The following ZBBX variants were observed in gnomAD, a reference collection of about 807,000 sequenced individuals.
ZBBX encodes the protein zinc finger B-box domain-containing protein 1.
A neutral mutation model predicts 108.5 loss-of-function variants in ZBBX; 101 were observed. The ratio of observed to expected loss-of-function variants is 0.93; its 90% CI spans 0.79 to 1.10. ZBBX has a LOEUF of 1.10. Among genes scored for constraint, ZBBX ranks in the 50% least tolerant of loss-of-function variants. ZBBX has a pLI of 0.00. For synonymous variants in ZBBX, 356 were observed against 323.4 expected (o/e 1.10, Z -1.08); for missense variants, 1,009 against 941.4 (o/e 1.07, Z -0.94).
At chr3:167,295,529 G>A (rs1285716568) in intron 18 of ZBBX, among the ~76,000 whole-genome samples, 1 of 151,220 alleles carries the variant, frequency 6.6e-6, no homozygotes, top group Non-Finnish European at 1.5e-5. Context: ...GGCCTGTTGG[G>A]GGGTGGTGGG....
the ZBBX span, among the ~76,000 whole-genome samples, chr3:167,211,150 T>C: frequency 6.6e-6 from 1 of 152,114 alleles, no homozygotes; most frequent in Non-Finnish European, 1.5e-5. Flanking sequence ...GGAGACATAA[T>C]TGAGCCAGGA....
chr3:167,294,548 A>G (rs1731291515), intron 18 of ZBBX, among the ~76,000 whole-genome samples: 1 of 152,232 alleles, frequency 6.6e-6, no homozygotes, highest in Non-Finnish European at 1.5e-5. Context: ...AATTAACTCA[A>G]GATAGGTTAA....
At chr3:167,265,150 C>A (rs1725244266) in intron 20 of ZBBX, among the ~76,000 whole-genome samples, 1 of 152,162 alleles carries the variant, frequency 6.6e-6, no homozygotes, top group Non-Finnish European at 1.5e-5. Flanking sequence ...TGCAATTTTT[C>A]ATCATTTTCA....
rs568176571 is a variant in ZBBX at position 167,358,665 on chromosome 3, G to T, written c.432+1205C>A. Among the ~76,000 whole-genome samples, 4 of 152,058 alleles carry T rather than the reference G, an allele frequency of 2.6e-5. No individual in the cohort carries two copies. In the South Asian group the frequency reaches 8.3e-4, roughly 32 times the overall value. ...AAGAGAGGATATATAGTCTAGGCGT[G>T]GTGGCTCACACCTGTAATCCCAGCA... On this transcript the variant is annotated intron_variant, in intron 8 of 21. Coordinates refer to ENST00000675490, the MANE Select transcript of ZBBX (RefSeq NM_001199201.2).
chr3:167,394,175 CA>C (rs1041478531), intron 1 of ZBBX, among the ~76,000 whole-genome samples: 1 of 151,876 alleles, frequency 6.6e-6, no homozygotes, highest in African/African-American at 2.4e-5. Flanking sequence ...TGCTTCTCAA[CA>C]CAAGTGAAAT....
chr3:167,353,654 T>C (rs1743039403), intron 8 of ZBBX, among the ~76,000 whole-genome samples: 2 of 151,868 alleles, frequency 1.3e-5, no homozygotes, highest in South Asian at 4.1e-4. Flanking sequence ...TCTATAAAAA[T>C]AAAAATAATA....
At chr3:167,206,059 C>A in the ZBBX span, among the ~76,000 whole-genome samples, 1 of 151,964 alleles carries the variant, frequency 6.6e-6, no homozygotes, top group Non-Finnish European at 1.5e-5. Context: ...ATTATTATTT[C>A]TAGTCCTTAT....
At chr3:167,227,232 T>G in the ZBBX span, among the ~76,000 whole-genome samples, 2 of 151,844 alleles carry the variant, frequency 1.3e-5, no homozygotes, top group Non-Finnish European at 2.9e-5. Context: ...AATAAGCATT[T>G]GATGAACACA....
chr3:167,288,274 T>G (rs1029782011), intron 19 of ZBBX, among the ~76,000 whole-genome samples: 1 of 152,128 alleles, frequency 6.6e-6, no homozygotes, highest in African/African-American at 2.4e-5. Flanking sequence ...TATACACTCA[T>G]TAGGAAAGTA....
intron 16 of ZBBX, among the ~76,000 whole-genome samples, chr3:167,307,846 A>G (rs1245748544): frequency 6.6e-6 from 1 of 152,202 alleles, no homozygotes; most frequent in Non-Finnish European, 1.5e-5. Context: ...TGTAAATCCC[A>G]AAACTATGAA....
At chr3:167,239,494 T>A (rs762317270), downstream of ZBBX, among the ~76,000 whole-genome samples, 1 of 152,100 alleles carries the variant, frequency 6.6e-6, no homozygotes, top group Non-Finnish European at 1.5e-5. Context: ...GAAGATTTTA[T>A]AATAATCCAT....
At chr3:167,385,105 G>A (rs1314911187), upstream of ZBBX, among the ~76,000 whole-genome samples, 1 of 152,012 alleles carries the variant, frequency 6.6e-6, no homozygotes, top group East Asian at 1.9e-4. Context: ...TCTTAATGAT[G>A]AGGATATGTT....
chr3:167,273,069 C>T lies in ZBBX; in HGVS notation c.2254+9169G>A, dbSNP rs191250272. On this transcript the variant is annotated intron_variant, in intron 20 of 21. Transcript: ENST00000675490. ...AGACCTCATAGGGTCTTTTGAAATG[C>T]GTTTTATTAATCCTTCATTCTCTTC... Among the ~76,000 whole-genome samples the T allele has an allele frequency of 2.0e-4, 30 of 152,246 alleles. No individual in the cohort carries two copies. In the East Asian group the frequency reaches 5.0e-3, roughly 26 times the overall value.
chr3:167,333,440 T>G (rs1363452266), intron 10 of ZBBX, among the ~76,000 whole-genome samples: 1 of 152,180 alleles, frequency 6.6e-6, no homozygotes, highest in African/African-American at 2.4e-5. Context: ...CAATTGCCTG[T>G]CACTTAAAAC....
At chr3:167,344,433 T>C (rs1391017912) in intron 9 of ZBBX, among the ~76,000 whole-genome samples, 2 of 151,760 alleles carry the variant, frequency 1.3e-5, no homozygotes, top group Non-Finnish European at 2.9e-5. Context: ...GTGTTTTTCA[T>C]TTGTCTTTTG....
intron 11 of ZBBX, among the ~76,000 whole-genome samples, chr3:167,327,577 G>A (rs1737618092): frequency 6.6e-6 from 1 of 152,036 alleles, no homozygotes. Flanking sequence ...AGAGAATGGA[G>A]GTAAATAAAC....
At position 167,306,927 on chromosome 3, in the gene ZBBX, T is replaced by G. The variant is rs140314729; in HGVS notation, c.1418-977A>C. ...CTGTGATGTAAATGCTTTACAGCTT[T>G]ACAAAGGACTTGCTTGTTGCAATCA... On this transcript the variant is annotated intron_variant, in intron 16 of 21. Coordinates refer to ENST00000675490, the MANE Select transcript of ZBBX (RefSeq NM_001199201.2). Among the ~76,000 whole-genome samples the G allele has an allele frequency of 2.0e-5, 3 of 152,316 alleles. No homozygotes were observed. In the East Asian group the frequency reaches 5.8e-4, roughly 29 times the overall value.
intron 10 of ZBBX, among the ~76,000 whole-genome samples, chr3:167,329,880 T>C (rs1443624714): frequency 6.6e-6 from 1 of 152,188 alleles, no homozygotes; most frequent in Non-Finnish European, 1.5e-5. Context: ...TAAAATAGTG[T>C]GTTTGGCTGC....
chr3:167,273,260 CAAATATTCTGTCTCACATT>C (rs1327632597), intron 20 of ZBBX, among the ~76,000 whole-genome samples: 5 of 152,158 alleles, frequency 3.3e-5, no homozygotes, highest in South Asian at 2.1e-4. Context: ...TGGAATGGAT[CAAATATTCTGTCTCACATT>C]AAATAAAAGC....
Sources: gnomAD v4.1 joint callset for allele counts (sites outside exome capture counted in the v4.1 genomes callset) on GRCh38, gnomAD v4.1.1 for gene constraint, MANE v1.5 for transcripts, NCBI Gene and HGNC (gene_info 2026-07-23, HGNC 2026-07-21) for gene names.